PRICKLE2: variants seen among roughly 807,000 people sequenced by gnomAD.
PRICKLE2 encodes the protein prickle-like protein 2.
In PRICKLE2, 21 loss-of-function variants were observed where a neutral mutation model predicts 81.4. The observed-to-expected ratio is 0.26, with a 90% confidence interval of 0.18 to 0.37. The LOEUF (loss-of-function observed/expected upper bound fraction) is 0.37. Ranked by LOEUF, PRICKLE2 falls within the 10% of genes least tolerant of loss-of-function variation. The pLI, the probability that PRICKLE2 is intolerant of heterozygous loss-of-function variation, is 1.00. For synonymous variants in PRICKLE2, 456 were observed against 421.5 expected (o/e 1.08, Z -1.00); for missense variants, 940 against 1,109.0 (o/e 0.85, Z 2.16).
chr3:64,182,625 C>G (rs73124899), intron 2 of PRICKLE2: 28,818 of 152,112 alleles, frequency 0.19, 2,988 homozygotes, highest in Non-Finnish European at 0.23. Context: ...AAAGCCCTCA[C>G]CAGATGCTGG....
At chr3:64,145,347 T>C (rs2077431267) in intron 7 of PRICKLE2, 1 of 143,962 alleles carries the variant, frequency 6.9e-6, no homozygotes, top group Non-Finnish European at 1.5e-5. Context: ...ATATATATTA[T>C]ATATGATATA....
chr3:64,174,973 T>G (rs1389069429), intron 2 of PRICKLE2: 1 of 181,014 alleles, frequency 5.5e-6, no homozygotes, highest in Non-Finnish European at 1.2e-5. Flanking sequence ...AGCATTTGAG[T>G]GTCAGTGACC....
At chr3:64,122,958 C>T (rs914962167) in intron 7 of PRICKLE2, among the ~76,000 whole-genome samples, 1 of 152,138 alleles carries the variant, frequency 6.6e-6, no homozygotes, top group Non-Finnish European at 1.5e-5. Context: ...CAGAGCTGTT[C>T]GCTGCTCTGT....
chr3:64,173,417 T>C (rs544224591), intron 2 of PRICKLE2, among the ~76,000 whole-genome samples: 5 of 152,320 alleles, frequency 3.3e-5, no homozygotes, highest in African/African-American at 1.2e-4. Context: ...TGGAATAGGA[T>C]AAATTAAATA....
Position 64,099,576 on chromosome 3 carries a change from C to A in PRICKLE2, c.2010G>T (p.Arg670=). The A allele has an allele frequency of 1.2e-6, 2 of 1,613,466 alleles. No individual in the cohort carries two copies. Among genetic ancestry groups the A allele is most frequent in the Non-Finnish European group, 1.7e-6 (2 of 1,179,700 alleles). ...TGTCGTCGCGTGAAGTAGCTCTTCT[C>A]CGGGTGCGTTCACTCATGGGCTGGA... ...VRIQPMSERT[R]RRATSRDDNR... The change falls in exon 8 of 8, where the codon CGG becomes CGT. Residue 670 remains arginine, a synonymous_variant. Coordinates refer to ENST00000638394, the MANE Select transcript of PRICKLE2 (RefSeq NM_198859.4). The surrounding 1 kb of genome is among the most constrained non-coding windows in gnomAD (Gnocchi z 4.3).
chr3:64,144,759 C>T (rs1049042382), intron 7 of PRICKLE2, among the ~76,000 whole-genome samples: 2 of 152,228 alleles, frequency 1.3e-5, no homozygotes, highest in Non-Finnish European at 2.9e-5. Flanking sequence ...GTCTGAGACA[C>T]AGCACAAAGC....
chr3:64,171,079 G>A (rs1203550011), intron 2 of PRICKLE2, among the ~76,000 whole-genome samples: 1 of 152,074 alleles, frequency 6.6e-6, no homozygotes, highest in East Asian at 1.9e-4. Context: ...CCTCCTTGCT[G>A]TTCCTTTCAC....
chr3:64,106,370 TATTC>T (rs1375222836), intron 7 of PRICKLE2, among the ~76,000 whole-genome samples: 2 of 152,232 alleles, frequency 1.3e-5, no homozygotes, highest in Non-Finnish European at 2.9e-5. Context: ...CAACCACACC[TATTC>T]ATTTGCATAT....
intron 7 of PRICKLE2, among the ~76,000 whole-genome samples, chr3:64,144,784 A>G (rs1482060429): frequency 6.6e-6 from 1 of 152,228 alleles, no homozygotes. Flanking sequence ...AGAGCTCAGT[A>G]TGTGAGTTCT....
Position 64,163,224 on chromosome 3 carries a change from ACTGACTTCTGCAGTC to A in PRICKLE2, c.145-110_145-96del, listed in dbSNP as rs2077763517. 3.7e-6 allele frequency: 3 copies of A among 815,618 alleles called. No homozygotes were observed. In the South Asian group the frequency reaches 4.0e-5, roughly 11 times the overall value. 50.5% of individuals were successfully genotyped at this position (815,618 alleles called of 1,614,324 possible). ...AAGATGATTCCCCCAGCAGGATGTA[ACTGACTTCTGCAGTC>A]CTGACTCTTTATGAAAGTCAACAGC... On this transcript the variant is annotated intron_variant, in intron 2 of 7. Coordinates refer to ENST00000638394, the MANE Select transcript of PRICKLE2 (RefSeq NM_198859.4).
intron 7 of PRICKLE2, among the ~76,000 whole-genome samples, chr3:64,113,691 G>A (rs1201915858): frequency 2.0e-5 from 3 of 152,032 alleles, no homozygotes; most frequent in Admixed American, 6.6e-5. Flanking sequence ...AGCTTTGGTG[G>A]GCATAAAGCC....
chr3:64,124,019 C>T (rs922794439), intron 7 of PRICKLE2, among the ~76,000 whole-genome samples: 1 of 152,194 alleles, frequency 6.6e-6, no homozygotes, highest in African/African-American at 2.4e-5. Flanking sequence ...AAAGCTAGGC[C>T]TCTTGCACCA....
chr3:64,169,912 G>T (rs2077901157), intron 2 of PRICKLE2, among the ~76,000 whole-genome samples: 1 of 152,096 alleles, frequency 6.6e-6, no homozygotes, highest in African/African-American at 2.4e-5. Flanking sequence ...GCACGTGGTG[G>T]TCTTTAAAAA....
intron 7 of PRICKLE2, among the ~76,000 whole-genome samples, chr3:64,120,460 T>C (rs777944320): frequency 3.3e-5 from 5 of 152,080 alleles, no homozygotes; most frequent in African/African-American, 4.8e-5. Context: ...CCCAAGGTCA[T>C]GGGTGAGGGT....
At chr3:64,238,801 C>G (rs1189006660) in intron 2 of PRICKLE2, among the ~76,000 whole-genome samples, 1 of 152,168 alleles carries the variant, frequency 6.6e-6, no homozygotes, top group African/African-American at 2.4e-5. Flanking sequence ...GTAAAATTGC[C>G]AAACATACAG....
rs1402343221 is a variant in PRICKLE2 at position 64,147,676 on chromosome 3, C to T, written c.814G>A (p.Asp272Asn). Residue 272 changes from aspartate (D) to asparagine (N), a missense_variant, in exon 7 of 8, where the codon GAT (aspartate) becomes AAT (asparagine). Asp to Asn is a conservative substitution (Grantham distance 23). Around this residue, in one of 2 missense-constraint regions of PRICKLE2, gnomAD observed 270 missense variants for 391.8 expected, o/e 0.69. Coordinates refer to ENST00000638394, the MANE Select transcript of PRICKLE2 (RefSeq NM_198859.4). This position sits in a 1 kb window ranked among gnomAD's most constrained non-coding sequence, Gnocchi z 5.0. ...IGIDQGQMTY[D>N]GQHWHATETC... ...TCAGTGGCATGCCAGTGTTGGCCAT[C>T]ATAGGTCATTTGACCTTGGTCGATA... 1 of 1,613,724 alleles carries T rather than the reference C, an allele frequency of 6.2e-7. No individual in the cohort carries two copies. The highest frequency in any genetic ancestry group is 8.5e-7 in the Non-Finnish European group (1 of 1,180,044).
chr3:64,129,782 G>A (rs1208002525), intron 7 of PRICKLE2, among the ~76,000 whole-genome samples: 1 of 152,146 alleles, frequency 6.6e-6, no homozygotes. Flanking sequence ...CTGCTGGGGG[G>A]TGCCACAGGG....
chr3:64,132,237 A>G (rs930082414), intron 7 of PRICKLE2, among the ~76,000 whole-genome samples: 1 of 151,910 alleles, frequency 6.6e-6, no homozygotes, highest in Non-Finnish European at 1.5e-5. Context: ...ACTTATCACA[A>G]TCTGTCCTTC....
intron 7 of PRICKLE2, among the ~76,000 whole-genome samples, chr3:64,129,274 GT>G (rs1253977763): frequency 1.3e-5 from 2 of 152,124 alleles, no homozygotes; most frequent in Non-Finnish European, 2.9e-5. Context: ...CCCAGTCTTG[GT>G]TTTCTTATCT....
Sources: allele counts gnomAD v4.1 joint callset (sites outside exome capture counted in the v4.1 genomes callset), GRCh38; gene constraint gnomAD v4.1.1; regional missense constraint gnomAD v4.1.1; non-coding constraint Gnocchi (gnomAD v3.1); transcripts MANE v1.5; gene names NCBI Gene and HGNC (gene_info 2026-07-23, HGNC 2026-07-21).